KIF6: variants seen among roughly 807,000 people sequenced by gnomAD.
KIF6 encodes the protein kinesin-like protein KIF6.
A neutral mutation model predicts 112.7 loss-of-function variants in KIF6; 106 were observed. That is an observed-to-expected ratio of 0.94 (90% CI 0.80 to 1.11). The LOEUF (loss-of-function observed/expected upper bound fraction) is 1.11. Among genes scored for constraint, KIF6 ranks in the 50% least tolerant of loss-of-function variants. The pLI is 0.00. For missense variants in KIF6, 929 were observed against 964.0 expected, an observed-to-expected ratio of 0.96 and a Z score of 0.48; for synonymous variants, 339 against 339.9, an observed-to-expected ratio of 1.00 and a Z score of 0.03.
chr6:39,621,562 C>T (rs1783820851), intron 5 of KIF6, among the ~76,000 whole-genome samples: 1 of 152,200 alleles, frequency 6.6e-6, no homozygotes, highest in Non-Finnish European at 1.5e-5. Context: ...ATTTAAGTTC[C>T]TTGTTCATCG....
At chr6:39,615,789 G>A (rs1228419430) in intron 5 of KIF6, among the ~76,000 whole-genome samples, 1 of 152,070 alleles carries the variant, frequency 6.6e-6, no homozygotes, top group Admixed American at 6.6e-5. Context: ...ACACTGATGA[G>A]TCATATCTAC....
chr6:39,457,749 A>C (rs374698443), intron 13 of KIF6, among the ~76,000 whole-genome samples: 1 of 152,154 alleles, frequency 6.6e-6, no homozygotes, highest in Non-Finnish European at 1.5e-5. Context: ...ACACCTCTAC[A>C]CAAATAAACT....
chr6:39,642,998 A>T (rs1317482376), intron 3 of KIF6, among the ~76,000 whole-genome samples: 1 of 152,172 alleles, frequency 6.6e-6, no homozygotes, highest in Non-Finnish European at 1.5e-5. Flanking sequence ...TTATTTCATT[A>T]TCTTGCCTAA....
At chr6:39,573,729 G>C (rs573589132) in intron 10 of KIF6, among the ~76,000 whole-genome samples, 1 of 152,272 alleles carries the variant, frequency 6.6e-6, no homozygotes, top group East Asian at 1.9e-4. Flanking sequence ...CATGATTCCT[G>C]AGCCCAAAAG....
At chr6:39,718,491 C>G (rs1440462813) in intron 2 of KIF6, 1 of 152,400 alleles carries the variant, frequency 6.6e-6, no homozygotes, top group African/African-American at 2.4e-5. Flanking sequence ...CACCTGTAAT[C>G]CCAGCACTTT....
intron 13 of KIF6, among the ~76,000 whole-genome samples, chr6:39,454,858 C>T (rs1772951771): frequency 6.6e-6 from 1 of 152,092 alleles, no homozygotes; most frequent in Non-Finnish European, 1.5e-5. Flanking sequence ...ACACCTGGCT[C>T]GGAGGGTCCT....
chr6:39,585,585 G>C (rs2150661159), intron 8 of KIF6, among the ~76,000 whole-genome samples: 1 of 152,336 alleles, frequency 6.6e-6, no homozygotes, highest in Admixed American at 6.5e-5. Context: ...GGTATAGTAT[G>C]TGTTTTCAGT....
intron 5 of KIF6, among the ~76,000 whole-genome samples, chr6:39,614,187 T>C (rs12528606): frequency 0.12 from 18,401 of 152,242 alleles, 1,574 homozygotes; most frequent in Admixed American, 0.24. Flanking sequence ...ATTTGAGTCA[T>C]AAAGTTACTA....
intron 3 of KIF6, among the ~76,000 whole-genome samples, chr6:39,679,747 C>G (rs1184662867): frequency 6.6e-6 from 1 of 151,082 alleles, no homozygotes; most frequent in African/African-American, 2.4e-5. Context: ...TCCCGAGTAG[C>G]TGGGACTACA....
intron 13 of KIF6, among the ~76,000 whole-genome samples, 192 bp downstream of exon 13, chr6:39,539,811 A>T (rs1420263466): frequency 6.6e-6 from 1 of 152,170 alleles, no homozygotes; most frequent in Non-Finnish European, 1.5e-5. Context: ...ATTCTGAGAA[A>T]ATTCATAGTT....
chr6:39,430,820 A>G (rs1301569850), intron 14 of KIF6, among the ~76,000 whole-genome samples: 1 of 152,260 alleles, frequency 6.6e-6, no homozygotes, highest in Non-Finnish European at 1.5e-5. Flanking sequence ...TGATACTGTC[A>G]GTAACAGACC....
chr6:39,388,267 C>G (rs1767586069), intron 15 of KIF6, among the ~76,000 whole-genome samples: 1 of 149,898 alleles, frequency 6.7e-6, no homozygotes, highest in African/African-American at 2.5e-5. Context: ...TTCCTTTTTC[C>G]CAAACCCTAA....
intron 3 of KIF6, among the ~76,000 whole-genome samples, chr6:39,674,350 T>C (rs140766384): frequency 1.3e-5 from 2 of 152,248 alleles, no homozygotes; most frequent in East Asian, 3.9e-4. Context: ...GTGTAGAAGT[T>C]GATCCTGAGC....
intron 13 of KIF6, among the ~76,000 whole-genome samples, chr6:39,472,655 T>G (rs1225140768): frequency 6.6e-6 from 1 of 152,194 alleles, no homozygotes; most frequent in Non-Finnish European, 1.5e-5. Flanking sequence ...TAGTTTTGTT[T>G]TGTTTTTCTA....
At chr6:39,653,415 A>G (rs1220630250) in intron 3 of KIF6, among the ~76,000 whole-genome samples, 1 of 152,260 alleles carries the variant, frequency 6.6e-6, no homozygotes, top group African/African-American at 2.4e-5. Flanking sequence ...GAAAAGAATT[A>G]CTAATCTTTT....
intron 22 of KIF6, among the ~76,000 whole-genome samples, chr6:39,338,053 A>G (rs1763127626): frequency 6.6e-6 from 1 of 152,236 alleles, no homozygotes; most frequent in Admixed American, 6.5e-5. Flanking sequence ...TCATTAGCAC[A>G]TTAAAATGTG....
At position 39,600,065 on chromosome 6, in the gene KIF6, G is replaced by C. The variant is rs1171689894; in HGVS notation, c.640-3805C>G. On this transcript the variant is annotated intron_variant, in intron 6 of 22. Coordinates refer to ENST00000287152, the MANE Select transcript of KIF6 (RefSeq NM_145027.6). ...ACATTCTTTATGTGGAGCTTTTTAA[G>C]TGTTATTGGATGTGCTGTGTCTGCT... Among the ~76,000 whole-genome samples, 12 of 152,262 alleles carry C rather than the reference G, an allele frequency of 7.9e-5. No homozygotes were observed. In the East Asian group the frequency reaches 2.3e-3, roughly 29 times the overall value.
At chr6:39,569,362 T>A (rs1310258640) in intron 10 of KIF6, among the ~76,000 whole-genome samples, 1 of 152,212 alleles carries the variant, frequency 6.6e-6, no homozygotes, top group Non-Finnish European at 1.5e-5. Context: ...AGTCTGAGGA[T>A]CACGTTACAA....
At chr6:39,382,260 G>T (rs754604230) in intron 16 of KIF6, among the ~76,000 whole-genome samples, 1 of 152,124 alleles carries the variant, frequency 6.6e-6, no homozygotes, top group Non-Finnish European at 1.5e-5. Context: ...TATTGATCTC[G>T]TCACGAAGGT....
Sources: allele counts gnomAD v4.1 joint callset (sites outside exome capture counted in the v4.1 genomes callset), GRCh38; gene constraint gnomAD v4.1.1; transcripts MANE v1.5; gene names NCBI Gene and HGNC (gene_info 2026-07-23, HGNC 2026-07-21).